MFHAS1: variants seen among roughly 807,000 people sequenced by gnomAD.
The protein encoded by MFHAS1 is multifunctional ROCO family signaling regulator 1.
MFHAS1 carries 50 observed loss-of-function variants against 70.4 expected under a neutral mutation model. That is an observed-to-expected ratio of 0.71 (90% CI 0.57 to 0.90). The LOEUF (loss-of-function observed/expected upper bound fraction) is 0.90, where lower values mean the gene tolerates loss of function less well. Ranked by LOEUF, MFHAS1 falls within the 40% of genes least tolerant of loss-of-function variation. MFHAS1 has a pLI of 0.00. For synonymous variants in MFHAS1, 952 were observed against 620.0 expected (o/e 1.54, Z -7.96); for missense variants, 1,795 against 1,347.6 (o/e 1.33, Z -5.20).
intron 1 of MFHAS1, among the ~76,000 whole-genome samples, chr8:8,876,898 C>T (rs991605599): frequency 6.6e-6 from 1 of 151,482 alleles, no homozygotes; most frequent in African/African-American, 2.4e-5. Context: ...CATGCCACTG[C>T]ACTCCAGCCT....
intron 1 of MFHAS1, among the ~76,000 whole-genome samples, chr8:8,815,029 C>G (rs189823743): frequency 3.3e-5 from 5 of 152,150 alleles, no homozygotes; most frequent in African/African-American, 9.6e-5. Flanking sequence ...CACCGCCCCC[C>G]ACACAGGCCC....
intron 1 of MFHAS1, among the ~76,000 whole-genome samples, chr8:8,819,743 G>A (rs879618550): frequency 6.6e-6 from 1 of 152,154 alleles, no homozygotes; most frequent in East Asian, 1.9e-4. Context: ...GAGTCACCCA[G>A]GCTGGAGTGT....
At chr8:8,869,792 C>CCTGGGAAGGCTTTCTGTCTAA (rs1809002400) in intron 1 of MFHAS1, among the ~76,000 whole-genome samples, 2 of 152,120 alleles carry the variant, frequency 1.3e-5, no homozygotes, top group African/African-American at 2.4e-5. Flanking sequence ...GATGAGGAAA[C>CCTGGGAAGGCTTTCTGTCTAA]CGGAGCCTGG....
At chr8:8,793,017 A>G (rs1471704410) in intron 2 of MFHAS1, among the ~76,000 whole-genome samples, 3 of 152,160 alleles carry the variant, frequency 2.0e-5, no homozygotes, top group African/African-American at 7.2e-5. Context: ...AGCAAGGGGG[A>G]GAAGAAGCCA....
chr8:8,797,155 A>C (rs1295623466), intron 2 of MFHAS1, among the ~76,000 whole-genome samples: 3 of 151,888 alleles, frequency 2.0e-5, no homozygotes, highest in Non-Finnish European at 4.4e-5. Flanking sequence ...TAAAGTAAAA[A>C]AAAAAAAAAA....
chr8:8,808,403 T>G (rs753191535), intron 1 of MFHAS1, among the ~76,000 whole-genome samples: 1 of 152,258 alleles, frequency 6.6e-6, no homozygotes, highest in East Asian at 1.9e-4. Flanking sequence ...TCAGATCCAC[T>G]GTCAAAGTGT....
At chr8:8,851,975 T>C (rs1428099602) in intron 1 of MFHAS1, among the ~76,000 whole-genome samples, 2 of 152,090 alleles carry the variant, frequency 1.3e-5, no homozygotes, top group African/African-American at 4.8e-5. Context: ...GGATCCCTAA[T>C]AAGGACAGAG....
At chr8:8,825,674 G>T (rs1017120595) in intron 1 of MFHAS1, among the ~76,000 whole-genome samples, 2 of 151,962 alleles carry the variant, frequency 1.3e-5, no homozygotes, top group Non-Finnish European at 2.9e-5. Context: ...ACTGGATTAG[G>T]GCCCAACCTA....
intron 1 of MFHAS1, among the ~76,000 whole-genome samples, chr8:8,885,034 A>T (rs1012548143): frequency 8.5e-5 from 13 of 152,112 alleles, no homozygotes; most frequent in African/African-American, 3.1e-4. Flanking sequence ...TGCAGAAGCT[A>T]CTAAGTCTCG....
intron 2 of MFHAS1, among the ~76,000 whole-genome samples, chr8:8,795,338 G>T (rs1196932413): frequency 6.6e-6 from 1 of 152,194 alleles, no homozygotes; most frequent in Non-Finnish European, 1.5e-5. Context: ...AATTTCCGTT[G>T]TTTGATATGT....
At chr8:8,858,569 TG>T in intron 1 of MFHAS1, among the ~76,000 whole-genome samples, 1 of 152,290 alleles carries the variant, frequency 6.6e-6, no homozygotes, top group South Asian at 2.1e-4. Context: ...ATATGCCTTT[TG>T]GGGGATACTC....
chr8:8,851,453 T>C (rs892191968), intron 1 of MFHAS1, among the ~76,000 whole-genome samples: 1 of 152,130 alleles, frequency 6.6e-6, no homozygotes, highest in African/African-American at 2.4e-5. Context: ...AAAAGTGAGG[T>C]CTAGATACCA....
At chr8:8,889,184 G>C (rs943012593) in intron 1 of MFHAS1, among the ~76,000 whole-genome samples, 1 of 152,088 alleles carries the variant, frequency 6.6e-6, no homozygotes, top group African/African-American at 2.4e-5. Context: ...CAATTATTAA[G>C]CACTGCCAGA....
intron 1 of MFHAS1, among the ~76,000 whole-genome samples, chr8:8,807,780 T>C (rs552337870): frequency 3.3e-5 from 5 of 152,224 alleles, no homozygotes; most frequent in Non-Finnish European, 5.9e-5. Flanking sequence ...CCGAGGTCAA[T>C]GTTGCAAAGG....
At chr8:8,854,068 G>C (rs941379808) in intron 1 of MFHAS1, among the ~76,000 whole-genome samples, 3 of 152,294 alleles carry the variant, frequency 2.0e-5, no homozygotes, top group East Asian at 3.9e-4. Context: ...TCCTTTGTAA[G>C]TCATGGGCAT....
chr8:8,867,330 T>C (rs1808896959), intron 1 of MFHAS1, among the ~76,000 whole-genome samples: 1 of 152,208 alleles, frequency 6.6e-6, no homozygotes, highest in Non-Finnish European at 1.5e-5. Context: ...TTTGAAAGTA[T>C]GCTTCTTATG....
intron 1 of MFHAS1, among the ~76,000 whole-genome samples, chr8:8,834,820 G>T (rs1161369913): frequency 6.6e-6 from 1 of 152,170 alleles, no homozygotes; most frequent in Non-Finnish European, 1.5e-5. Flanking sequence ...CCTCAACTGT[G>T]CACGAAACCA....
intron 1 of MFHAS1, among the ~76,000 whole-genome samples, chr8:8,816,848 T>C (rs1806766005): frequency 6.6e-6 from 1 of 152,168 alleles, no homozygotes; most frequent in Middle Eastern, 3.2e-3. Context: ...GAGCTGACAT[T>C]TAGGGAAAGG....
chr8:8,796,193 G>GT (rs1453569818), intron 2 of MFHAS1, among the ~76,000 whole-genome samples: 7 of 152,182 alleles, frequency 4.6e-5, no homozygotes, highest in Admixed American at 4.6e-4. Flanking sequence ...TACTTGGCAT[G>GT]TGTGCGTTCT....
Sources: allele counts gnomAD v4.1 joint callset (sites outside exome capture counted in the v4.1 genomes callset), GRCh38; gene constraint gnomAD v4.1.1; transcripts MANE v1.5; gene names NCBI Gene and HGNC (gene_info 2026-07-23, HGNC 2026-07-21).